Variants in SH3KBP1 observed in about 807,000 individuals in gnomAD.
SH3KBP1 encodes SH3 domain containing kinase binding protein 1.
SH3KBP1 carries 8 observed loss-of-function variants against 50.1 expected under a neutral mutation model. That is an observed-to-expected ratio of 0.16 (90% confidence interval 0.09 to 0.29). The LOEUF (loss-of-function observed/expected upper bound fraction) is 0.29. Among genes scored for constraint, SH3KBP1 ranks in the 10% least tolerant of loss-of-function variants. The pLI, the probability that SH3KBP1 is intolerant of heterozygous loss-of-function variation, is 1.00. For missense variants in SH3KBP1, 377 were observed against 535.2 expected (o/e 0.70, Z 2.92); for synonymous variants, 227 against 218.6 (o/e 1.04, Z -0.34).
intron 1 of SH3KBP1, among the ~76,000 whole-genome samples, chrX:19,881,697 G>A (rs1364354168): frequency 9.0e-6 from 1 of 111,664 alleles, no homozygotes; most frequent in Non-Finnish European, 1.9e-5. Context: ...GGCGACACCT[G>A]AATTGGCAAA....
At chrX:19,826,685 AATAAC>A (rs3036641) in intron 2 of SH3KBP1, among the ~76,000 whole-genome samples, 16,459 of 89,510 alleles carry the variant, frequency 0.18, 1,507 homozygotes, top group African/African-American at 0.21. Flanking sequence ...ACTGTCTCTA[AATAAC>A]ATAACATAAC....
intron 2 of SH3KBP1, 87 bp from the exon 3 acceptor site, chrX:19,746,528 A>C (rs922486838): frequency 2.2e-5 from 20 of 900,601 alleles, no homozygotes; most frequent in Non-Finnish European, 3.0e-5. Context: ...TCTTTCTGGA[A>C]ATGAACTATA....
chrX:19,646,660 A>C (rs1205533643), intron 6 of SH3KBP1, among the ~76,000 whole-genome samples: 1 of 112,632 alleles, frequency 8.9e-6, no homozygotes, highest in African/African-American at 3.2e-5. Context: ...AAACTGATTC[A>C]CCACAGTTTT....
chrX:19,637,190 T>C (rs748863060), intron 7 of SH3KBP1, among the ~76,000 whole-genome samples: 1 of 112,288 alleles, frequency 8.9e-6, no homozygotes, highest in Admixed American at 9.4e-5. Context: ...AATTCTGCAG[T>C]AAATGGATGA....
chrX:19,677,011 C>T (rs1329293180), intron 6 of SH3KBP1, among the ~76,000 whole-genome samples: 2 of 112,244 alleles, frequency 1.8e-5, no homozygotes, highest in East Asian at 5.6e-4. Flanking sequence ...AAACAACCAA[C>T]CTGGCAAACC....
At chrX:19,630,364 G>A (rs1213029242) in intron 8 of SH3KBP1, among the ~76,000 whole-genome samples, 1 of 112,390 alleles carries the variant, frequency 8.9e-6, no homozygotes, top group African/African-American at 3.2e-5. Context: ...TTCGTATTGT[G>A]CTTCACACCC....
chrX:19,700,214 A>T (rs984524165), intron 4 of SH3KBP1, among the ~76,000 whole-genome samples: 1 of 111,722 alleles, frequency 9.0e-6, no homozygotes, highest in Non-Finnish European at 1.9e-5. Flanking sequence ...CACACCTTAA[A>T]GCTGCTAAAA....
intron 8 of SH3KBP1, among the ~76,000 whole-genome samples, chrX:19,621,385 G>A (rs1024770086): frequency 2.8e-5 from 3 of 109,008 alleles, no homozygotes; most frequent in African/African-American, 1.0e-4. Context: ...CACCATGCCC[G>A]GTCGCCAACA....
chrX:19,561,387 T>G (rs2065673649), intron 13 of SH3KBP1, among the ~76,000 whole-genome samples: 1 of 111,105 alleles, frequency 9.0e-6, no homozygotes. Flanking sequence ...CTCTGAAAAA[T>G]CTGACACTCC....
intron 6 of SH3KBP1, among the ~76,000 whole-genome samples, chrX:19,653,348 A>C: frequency 9.0e-6 from 1 of 111,460 alleles, no homozygotes; most frequent in Non-Finnish European, 1.9e-5. Flanking sequence ...TTGATCTCCC[A>C]CAAGACTCAA....
chrX:19,656,103 G>A (rs1281832052), intron 6 of SH3KBP1, among the ~76,000 whole-genome samples: 4 of 111,454 alleles, frequency 3.6e-5, no homozygotes, highest in African/African-American at 6.5e-5. Flanking sequence ...GCACAGGATC[G>A]AGGGTGGCAG....
intron 12 of SH3KBP1, among the ~76,000 whole-genome samples, chrX:19,573,956 G>A (rs1008872294): frequency 9.0e-6 from 1 of 111,373 alleles, no homozygotes; most frequent in Non-Finnish European, 1.9e-5. Context: ...ACCTCCGAGA[G>A]GCGTTCTATC....
At chrX:19,702,808 C>T (rs778961281) in intron 4 of SH3KBP1, among the ~76,000 whole-genome samples, 1 of 112,291 alleles carries the variant, frequency 8.9e-6, no homozygotes, top group Admixed American at 9.4e-5. Context: ...ATAATTAGAA[C>T]TTTGCCTGTA....
chrX:19,546,219 T>C (rs182630463), intron 14 of SH3KBP1, among the ~76,000 whole-genome samples, 169 bp from the exon 15 acceptor site: 3 of 112,523 alleles, frequency 2.7e-5, no homozygotes, highest in Non-Finnish European at 5.6e-5. Flanking sequence ...TCAAGTCACA[T>C]AGCTGATTAG....
At chrX:19,592,438 A>G (rs1040854020) in intron 10 of SH3KBP1, among the ~76,000 whole-genome samples, 10 of 112,012 alleles carry the variant, frequency 8.9e-5, no homozygotes, top group Non-Finnish European at 1.9e-5. Context: ...AGTCACAGGA[A>G]ATCACCGGGT....
At chrX:19,604,091 C>T (rs1339612806) in intron 9 of SH3KBP1, among the ~76,000 whole-genome samples, 1 of 111,442 alleles carries the variant, frequency 9.0e-6, no homozygotes, top group Non-Finnish European at 1.9e-5. Context: ...CTAAGTTCCC[C>T]GTTAGCCTTC....
rs1406183457 is a variant in SH3KBP1, at chrX:19,608,106, C to A, written c.898-61G>T. 2.5e-5 allele frequency: 24 copies of A among 967,302 alleles called. No individual in the cohort carries two copies. The East Asian group carries it at 7.6e-4, about 31-fold the overall frequency. The allele number at this position is 967,302 out of a possible 1,213,427, so 79.7% of individuals were successfully genotyped here. ...GCAAGCAGCCTCCAGAGGGGTGTAA[C>A]CCCCCTCTTCAAGAGAATGGAGGCC... On this transcript the variant is annotated intron_variant, in intron 8 of 17. Transcript: ENST00000397821.
intron 6 of SH3KBP1, among the ~76,000 whole-genome samples, chrX:19,649,757 G>C (rs1273724905): frequency 9.0e-6 from 1 of 111,690 alleles, no homozygotes; most frequent in African/African-American, 3.3e-5. Context: ...ACCACCATAT[G>C]ATTTCAGTTA....
At position 19,643,317 on chromosome X, in the gene SH3KBP1, T is replaced by A. The variant is rs188613204; in HGVS notation, c.802+2083A>T. On this transcript the variant is annotated intron_variant, in intron 7 of 17. Coordinates refer to ENST00000397821, the MANE Select transcript of SH3KBP1 (RefSeq NM_031892.3). ...ACTGAAGAATTTTTTATTTTTTTTT[T>A]TTTTATTTTTTTTTTTTTTTGAGAC... Among the ~76,000 whole-genome samples, 754 of 86,843 alleles carry A rather than the reference T, an allele frequency of 8.7e-3. 11 individuals carry two copies. Among genetic ancestry groups the A allele is most frequent in the Non-Finnish European group, 0.01 (508 of 48,670 alleles). The allele number at this position is 86,843 out of a possible 115,157, so 75.4% of individuals were successfully genotyped here.
Sources: gnomAD v4.1 joint callset for allele counts (sites outside exome capture counted in the v4.1 genomes callset) on GRCh38, gnomAD v4.1.1 for gene constraint, MANE v1.5 for transcripts, NCBI Gene and HGNC (gene_info 2026-07-23, HGNC 2026-07-21) for gene names.